Variants in ARSJ observed in about 807,000 individuals in gnomAD.
ARSJ encodes the protein arylsulfatase family member J, also known as arylsulfatase J.
In ARSJ, 26 loss-of-function variants were observed where a neutral mutation model predicts 35.9. The ratio of observed to expected loss-of-function variants is 0.72; its 90% confidence interval spans 0.53 to 1.00. The LOEUF (loss-of-function observed/expected upper bound fraction) is 1.00. Ranked by LOEUF, ARSJ falls within the 50% of genes least tolerant of loss-of-function variation. The probability of loss-of-function intolerance (pLI) is 0.00; values close to 1 mark genes in which losing one functional copy is unlikely to be tolerated. For missense variants in ARSJ, 667 were observed against 723.6 expected, an observed-to-expected ratio of 0.92 and a Z score of 0.90; for synonymous variants, 294 against 267.6, an observed-to-expected ratio of 1.10 and a Z score of -0.96.
At chr4:113,905,695 T>A (rs1459182503) in intron 1 of ARSJ, among the ~76,000 whole-genome samples, 13 of 105,652 alleles carry the variant, frequency 1.2e-4, no homozygotes, top group South Asian at 3.2e-4. Context: ...TTTTAGACAG[T>A]CTCGCTCTAT....
chr4:113,902,830 C>T lies in ARSJ; in HGVS notation c.1244G>A (p.Arg415Gln), dbSNP rs75252202. ...GTCAATGTTATGCAAAATATCTACT[C>T]GGGGTGAGCGAAGACCCTCACTTAT... ...ETISEGLRSP[R>Q]VDILHNIDPI... is the part of the protein sequence containing the mutation. The change falls in exon 2 of 2, where the codon CGA (arginine) becomes CAA (glutamine). Residue 415 changes from arginine to glutamine, a missense_variant. Physicochemically the swap from Arg to Gln is conservative, Grantham distance 43. Coordinates refer to ENST00000315366, the MANE Select transcript of ARSJ (RefSeq NM_024590.4). 2.2e-3 allele frequency: 3,550 copies of T among 1,614,062 alleles called. 9 individuals carry two copies. Among genetic ancestry groups the T allele is most frequent in the Non-Finnish European group, 2.6e-3 (3,121 of 1,180,018 alleles).
intron 1 of ARSJ, among the ~76,000 whole-genome samples, chr4:113,920,028 C>T (rs1723568224): frequency 1.3e-5 from 2 of 151,910 alleles, no homozygotes; most frequent in African/African-American, 2.4e-5. Context: ...GTATACCATG[C>T]TGTCTATCCC....
intron 1 of ARSJ, among the ~76,000 whole-genome samples, chr4:113,915,798 A>C (rs1388925139): frequency 6.6e-6 from 1 of 152,164 alleles, no homozygotes; most frequent in African/African-American, 2.4e-5. Context: ...TTCTGTCATC[A>C]CTGAATATGA....
At position 113,978,697 on chromosome 4, in the gene ARSJ, C is replaced by G; in HGVS notation, c.138G>C (p.Trp46Cys). 6.2e-7 allele frequency: 1 copy of G among 1,614,196 alleles called. No homozygotes were observed. Among genetic ancestry groups the G allele is most frequent in the Non-Finnish European group, 8.5e-7 (1 of 1,180,034 alleles). The stretch of plus-strand genomic sequence containing the variant: ...CTTCCTCCTCTTCTAAGGCCTGGCC[C>G]CAGGACAGGTAACCATAAGTGAGGA... Reference protein sequence around the residue: ...LCLLTYGYLSWGQALEEEEEG... With the variant: ...LCLLTYGYLSCGQALEEEEEG... Residue 46 changes from tryptophan (W) to cysteine (C), a missense_variant, in exon 1 of 2, where the codon TGG becomes TGC. Physicochemically the swap from Trp to Cys is radical, Grantham distance 215 (BLOSUM62 -2). Coordinates refer to ENST00000315366, the MANE Select transcript of ARSJ (RefSeq NM_024590.4).
chr4:113,976,644 A>C (rs1727609516), intron 1 of ARSJ, among the ~76,000 whole-genome samples: 1 of 152,222 alleles, frequency 6.6e-6, no homozygotes, highest in Admixed American at 6.5e-5. Context: ...ATTGCAAGTG[A>C]AAAAGTATTC....
chr4:113,960,384 C>T (rs564939268), intron 1 of ARSJ, among the ~76,000 whole-genome samples: 2 of 152,180 alleles, frequency 1.3e-5, no homozygotes, highest in East Asian at 1.9e-4. Context: ...TTCTCTACTT[C>T]ACAAACCTTG....
At chr4:113,919,554 T>C (rs978622253) in intron 1 of ARSJ, among the ~76,000 whole-genome samples, 1 of 152,202 alleles carries the variant, frequency 6.6e-6, no homozygotes, top group African/African-American at 2.4e-5. Flanking sequence ...TCAGACCACA[T>C]GGCTTTCAGG....
intron 1 of ARSJ, among the ~76,000 whole-genome samples, chr4:113,909,264 T>A (rs566943068): frequency 3.4e-4 from 51 of 152,156 alleles, no homozygotes; most frequent in African/African-American, 1.2e-3. Context: ...GTCAATATTA[T>A]AAAGAGGCTG....
Position 113,902,146 on chromosome 4 carries a change from G to C in ARSJ, c.*128C>G. 2 of 1,597,630 alleles carry C rather than the reference G, an allele frequency of 1.3e-6. No individual in the cohort carries two copies. The highest frequency in any genetic ancestry group is 1.7e-6 in the Non-Finnish European group (2 of 1,179,404). ...GCCAGGTGGCAGAAGTCTCTGGAGTGGCACAGCATGAAAACAAGCCTGACG... is the reference window on the plus strand; with the variant it reads ...GCCAGGTGGCAGAAGTCTCTGGAGTCGCACAGCATGAAAACAAGCCTGACG... On this transcript the variant is annotated 3_prime_UTR_variant, in exon 2 of 2. Coordinates refer to ENST00000315366, the MANE Select transcript of ARSJ (RefSeq NM_024590.4).
intron 1 of ARSJ, among the ~76,000 whole-genome samples, chr4:113,937,802 G>A (rs1724862187): frequency 6.6e-6 from 1 of 152,000 alleles, no homozygotes; most frequent in Non-Finnish European, 1.5e-5. Context: ...GCTAAAAAGG[G>A]AATAAAATAT....
At chr4:113,921,717 C>A (rs1402657528) in intron 1 of ARSJ, among the ~76,000 whole-genome samples, 1 of 152,246 alleles carries the variant, frequency 6.6e-6, no homozygotes, top group African/African-American at 2.4e-5. Flanking sequence ...AGTCAGAATG[C>A]TACTGCACTT....
intron 1 of ARSJ, among the ~76,000 whole-genome samples, chr4:113,929,331 T>G (rs972221217): frequency 1.3e-5 from 2 of 152,076 alleles, no homozygotes; most frequent in Non-Finnish European, 2.9e-5. Context: ...AATCATTATC[T>G]TTCCTGGCAA....
At chr4:113,940,536 G>GC (rs1204833598) in intron 1 of ARSJ, among the ~76,000 whole-genome samples, 1 of 151,648 alleles carries the variant, frequency 6.6e-6, no homozygotes, top group Non-Finnish European at 1.5e-5. Flanking sequence ...AATAGCTAAT[G>GC]CATGCTGGGC....
In ARSJ at chr4:113,900,932, T is replaced by C. The variant is rs2374217; in HGVS notation, c.*1342A>G. On this transcript the variant is annotated 3_prime_UTR_variant, in exon 2 of 2. Coordinates refer to ENST00000315366, the MANE Select transcript of ARSJ (RefSeq NM_024590.4). ...AGTGTCCACTTTGTATAAGAGTAAG[T>C]TTATTACTTTTAATGGGAAAAACCG... 1.3e-5 allele frequency: 2 copies of C among 152,014 alleles called. No individual in the cohort carries two copies. The highest frequency in any genetic ancestry group is 4.1e-4 in the South Asian group (2 of 4,826). 9.4% of individuals were successfully genotyped at this position (152,014 alleles called of 1,614,324 possible). A position where few individuals can be genotyped will look rare whatever the true frequency, so the allele number is the denominator to read the frequency against.
intron 1 of ARSJ, among the ~76,000 whole-genome samples, chr4:113,961,284 A>C (rs1222564286): frequency 1.3e-5 from 2 of 152,138 alleles, no homozygotes; most frequent in Admixed American, 6.6e-5. Context: ...TTGAACTTGT[A>C]AAAGATTATG....
At chr4:113,921,082 TACACACACAC>T (rs746326993) in intron 1 of ARSJ, among the ~76,000 whole-genome samples, 30 of 129,666 alleles carry the variant, frequency 2.3e-4, no homozygotes, top group South Asian at 1.9e-3. Flanking sequence ...TTCCCTGAAA[TACACACACAC>T]ACACACACAC....
chr4:113,916,238 G>A (rs868583443), intron 1 of ARSJ, among the ~76,000 whole-genome samples: 1 of 152,096 alleles, frequency 6.6e-6, no homozygotes, highest in African/African-American at 2.4e-5. Flanking sequence ...GAAACAATCC[G>A]GCCTACCTTT....
intron 1 of ARSJ, chr4:113,946,424 A>C (rs1226716517): frequency 2.6e-5 from 4 of 152,054 alleles, no homozygotes; most frequent in Admixed American, 2.6e-4. Flanking sequence ...GCCTAAAAGA[A>C]AAGAATGTTA....
In ARSJ at chr4:113,902,703, A is replaced by G. The variant is rs2099667512; in HGVS notation, c.1371T>C (p.Leu457=). ...SAIRVQHWKL[L]TGNPGYSDWV... Reference sequence around the variant, plus strand: ...AGTCGCTGTAGCCAGGATTTCCTGTAAGCAATTTCCAGTGCTGCACTCTGA... The same window carrying G: ...AGTCGCTGTAGCCAGGATTTCCTGTGAGCAATTTCCAGTGCTGCACTCTGA... The change falls in exon 2 of 2, where the codon CTT becomes CTC. Residue 457 remains leucine (L), a synonymous_variant. Transcript: ENST00000315366. 6.2e-7 allele frequency: 1 copy of G among 1,614,218 alleles called. No homozygotes were observed. The highest frequency in any genetic ancestry group is 8.5e-7 in the Non-Finnish European group (1 of 1,180,032).
Sources: gnomAD v4.1 joint callset for allele counts (sites outside exome capture counted in the v4.1 genomes callset) on GRCh38, gnomAD v4.1.1 for gene constraint, MANE v1.5 for transcripts, NCBI Gene and HGNC (gene_info 2026-07-23, HGNC 2026-07-21) for gene names.